Variants in RIPOR2 observed in about 807,000 individuals in gnomAD.
RIPOR2 encodes rho family-interacting cell polarization regulator 2.
A neutral mutation model predicts 114.5 loss-of-function variants in RIPOR2; 39 were observed. The ratio of observed to expected loss-of-function variants is 0.34; its 90% CI spans 0.26 to 0.44. The LOEUF is 0.44. Among genes scored for constraint, RIPOR2 ranks in the 20% least tolerant of loss-of-function variants. The pLI, the probability that RIPOR2 is intolerant of heterozygous loss-of-function variation, is 1.00. For missense variants in RIPOR2, 1,007 were observed against 1,255.1 expected (o/e 0.80, Z 2.99); for synonymous variants, 445 against 484.4 (o/e 0.92, Z 1.07).
chr6:25,035,714 G>A (rs1777212630), intron 1 of RIPOR2, among the ~76,000 whole-genome samples: 2 of 152,148 alleles, frequency 1.3e-5, no homozygotes, highest in South Asian at 2.1e-4. Context: ...AAAGCTGATA[G>A]GAAGCTGGGC....
At chr6:24,893,044 A>C (rs964891715) in intron 1 of RIPOR2, among the ~76,000 whole-genome samples, 7 of 152,152 alleles carry the variant, frequency 4.6e-5, no homozygotes, top group Non-Finnish European at 8.8e-5. Flanking sequence ...AAAAACCAAA[A>C]CAAAACAAAA....
chr6:24,954,513 T>A (rs1772941191), intron 1 of RIPOR2, among the ~76,000 whole-genome samples: 1 of 144,960 alleles, frequency 6.9e-6, no homozygotes, highest in Non-Finnish European at 1.5e-5. Flanking sequence ...TGGAATGCAG[T>A]GGTGTTATCA....
chr6:25,020,918 G>A (rs1317035358), intron 1 of RIPOR2, among the ~76,000 whole-genome samples: 3 of 151,982 alleles, frequency 2.0e-5, no homozygotes, highest in Non-Finnish European at 4.4e-5. Context: ...GTGCAGTGGC[G>A]TGATCTTGGC....
chr6:24,950,717 G>T (rs1175657170), intron 1 of RIPOR2, among the ~76,000 whole-genome samples: 1 of 152,198 alleles, frequency 6.6e-6, no homozygotes, highest in Non-Finnish European at 1.5e-5. Context: ...TTCTTACAGG[G>T]ATGACTGAAC....
chr6:24,832,198 G>A (rs1467857975), intron 16 of RIPOR2, 58 bp downstream of exon 16: 1 of 1,496,556 alleles, frequency 6.7e-7, no homozygotes, highest in Non-Finnish European at 9.1e-7. Flanking sequence ...ATAGGGAGTG[G>A]ACTGGGCTAG....
Position 24,849,902 on chromosome 6 carries a change from T to A in RIPOR2, c.934A>T (p.Thr312Ser), listed in dbSNP as rs774511858. 1 of 1,613,852 alleles carries A rather than the reference T, an allele frequency of 6.2e-7. No homozygotes were observed. The highest frequency in any genetic ancestry group is 8.5e-7 in the Non-Finnish European group (1 of 1,179,808). ...GCAAACAGCTCTTTGGTCTCACAGGTCACGCTACCTACCAGGATGTGAGTT... is the reference window on the plus strand; with the variant it reads ...GCAAACAGCTCTTTGGTCTCACAGGACACGCTACCTACCAGGATGTGAGTT... ...LATHILVGSV[T>S]CETKELFAAR... is the part of the protein sequence containing the mutation. Residue 312 changes from threonine (T) to serine (S), a missense_variant, in exon 11 of 22, where the codon ACC (threonine) becomes TCC (serine). By Grantham distance (58) the Thr-to-Ser change is moderately conservative. Transcript: ENST00000643898.
chr6:24,927,853 A>G (rs55927112), intron 1 of RIPOR2, among the ~76,000 whole-genome samples: 23,198 of 152,198 alleles, frequency 0.15, 1,908 homozygotes, highest in Middle Eastern at 0.18. Context: ...CACAGCATAT[A>G]TGTTACTTCC....
At chr6:24,943,486 T>TATAATAATA (rs79282731) in intron 1 of RIPOR2, among the ~76,000 whole-genome samples, 4 of 151,424 alleles carry the variant, frequency 2.6e-5, no homozygotes, top group East Asian at 1.9e-4. Flanking sequence ...AAACTTAAAG[T>TATAATAATA]ATAATAATAA....
chr6:24,928,254 T>C (rs1179126661), intron 1 of RIPOR2, among the ~76,000 whole-genome samples: 1 of 152,192 alleles, frequency 6.6e-6, no homozygotes, highest in Non-Finnish European at 1.5e-5. Flanking sequence ...TTTAGTCACG[T>C]AATTTATCTG....
intron 1 of RIPOR2, among the ~76,000 whole-genome samples, chr6:24,945,653 C>T (rs1198977367): frequency 6.6e-6 from 1 of 152,032 alleles, no homozygotes; most frequent in Non-Finnish European, 1.5e-5. Context: ...TTTTTATATT[C>T]TCTTGAAATT....
intron 1 of RIPOR2, among the ~76,000 whole-genome samples, chr6:24,964,266 C>A (rs1323734097): frequency 6.6e-6 from 1 of 152,040 alleles, no homozygotes; most frequent in East Asian, 1.9e-4. Context: ...ACAGAGCTCT[C>A]CCTCATGCTA....
At chr6:25,041,156 A>T (rs1452067472) in intron 1 of RIPOR2, among the ~76,000 whole-genome samples, 2 of 151,878 alleles carry the variant, frequency 1.3e-5, no homozygotes, top group Non-Finnish European at 2.9e-5. Context: ...GACCCCTTTC[A>T]CTCATTCTTC....
intron 1 of RIPOR2, among the ~76,000 whole-genome samples, chr6:25,016,078 G>T (rs1232537268): frequency 6.6e-6 from 1 of 151,226 alleles, no homozygotes; most frequent in African/African-American, 2.4e-5. Context: ...TAATTTTTTT[G>T]TATTTTTAGT....
intron 8 of RIPOR2, among the ~76,000 whole-genome samples, chr6:24,857,536 A>G (rs1009446573): frequency 1.3e-5 from 2 of 152,166 alleles, no homozygotes; most frequent in Non-Finnish European, 1.5e-5. Flanking sequence ...CTGCCAGAAG[A>G]ACGCTCTACA....
intron 19 of RIPOR2, among the ~76,000 whole-genome samples, chr6:24,823,733 A>C (rs901202745): frequency 6.6e-6 from 1 of 152,162 alleles, no homozygotes; most frequent in African/African-American, 2.4e-5. Flanking sequence ...AAGGAAGGCT[A>C]TGTCTTACCT....
intron 11 of RIPOR2, 46 bp downstream of exon 11, chr6:24,849,756 G>T: frequency 6.5e-7 from 1 of 1,546,148 alleles, no homozygotes; most frequent in Non-Finnish European, 8.9e-7. Context: ...AGCACTAGCC[G>T]GTATCAGATA....
intron 1 of RIPOR2, among the ~76,000 whole-genome samples, chr6:24,895,803 A>G (rs1408417914): frequency 6.6e-6 from 1 of 152,126 alleles, no homozygotes; most frequent in Non-Finnish European, 1.5e-5. Context: ...ATCCTGGCCA[A>G]CACGGTGAAA....
chr6:24,947,153 C>T (rs997896751), intron 1 of RIPOR2, among the ~76,000 whole-genome samples: 4 of 152,086 alleles, frequency 2.6e-5, no homozygotes, highest in African/African-American at 9.7e-5. Context: ...CAGAGACACT[C>T]CTTGATTTAA....
intron 1 of RIPOR2, among the ~76,000 whole-genome samples, chr6:24,898,950 GTTTTTTTTTT>G (rs10584291): frequency 7.9e-6 from 1 of 127,368 alleles, no homozygotes; most frequent in Non-Finnish European, 1.7e-5. Context: ...TCAGGGAGTA[GTTTTTTTTTT>G]TTTTTTTTTC....
Sources: gnomAD v4.1 joint callset for allele counts (sites outside exome capture counted in the v4.1 genomes callset) on GRCh38, gnomAD v4.1.1 for gene constraint, MANE v1.5 for transcripts, NCBI Gene and HGNC (gene_info 2026-07-23, HGNC 2026-07-21) for gene names.